Variants in CHRDL1 observed in about 807,000 individuals in gnomAD.
The protein encoded by CHRDL1 is chordin-like protein 1.
Under a neutral mutation model 40.9 loss-of-function variants are expected in CHRDL1, and 19 were observed. The observed-to-expected ratio is 0.46, with a 90% CI of 0.32 to 0.68. The LOEUF is 0.68. Ranked by LOEUF, CHRDL1 falls within the 30% of genes least tolerant of loss-of-function variation. The pLI is 0.03. For missense variants in CHRDL1, 329 were observed against 352.1 expected (o/e 0.93, Z 0.53); for synonymous variants, 136 against 123.4 (o/e 1.10, Z -0.68).
intron 6 of CHRDL1, among the ~76,000 whole-genome samples, chrX:110,718,123 T>C (rs913489184): frequency 1.8e-5 from 2 of 112,027 alleles, no homozygotes; most frequent in African/African-American, 6.5e-5. Context: ...ATCCTCACTT[T>C]AAAGATTGGT....
chrX:110,689,598 A>ATATATCTATATATCTATATATC (rs1569461814), intron 8 of CHRDL1, among the ~76,000 whole-genome samples: 1 of 18,294 alleles, frequency 5.5e-5, no homozygotes, highest in Non-Finnish European at 7.6e-5. Context: ...CTATATATCT[A>ATATATCTATATATCTATATATC]TATATATCTA....
intron 2 of CHRDL1, among the ~76,000 whole-genome samples, chrX:110,781,039 TCTG>T (rs973605717): frequency 9.0e-6 from 1 of 111,035 alleles, no homozygotes; most frequent in African/African-American, 3.3e-5. Flanking sequence ...AAATTAAACT[TCTG>T]CTCCACAACA....
chrX:110,764,426 A>G, intron 2 of CHRDL1, among the ~76,000 whole-genome samples: 1 of 112,076 alleles, frequency 8.9e-6, no homozygotes, highest in East Asian at 2.8e-4. Context: ...CAGTTCCCAA[A>G]CAATACTTTC....
At chrX:110,678,036 C>T (rs932376496) in intron 11 of CHRDL1, among the ~76,000 whole-genome samples, 2 of 111,165 alleles carry the variant, frequency 1.8e-5, no homozygotes, top group African/African-American at 6.6e-5. Context: ...TTCAGACTAT[C>T]CCACTTCTCT....
rs572661318 is a variant in CHRDL1, at chrX:110,788,100, C to G, written c.94+3988G>C. 2.2e-4 allele frequency among the ~76,000 whole-genome samples: 25 copies of G among 112,484 alleles called. No homozygotes were observed. The South Asian group carries it at 7.4e-3, about 33-fold the overall frequency. The stretch of plus-strand genomic sequence containing the variant: ...CAACAGAGCATAATGGAGTTATACA[C>G]AAGGACCTTTTCCCAGCTAAAGAAC... On this transcript the variant is annotated intron_variant, in intron 2 of 11. Transcript: ENST00000372042.
chrX:110,730,594 A>T (rs1207746415), intron 4 of CHRDL1, among the ~76,000 whole-genome samples: 1 of 110,506 alleles, frequency 9.0e-6, no homozygotes, highest in African/African-American at 3.3e-5. Context: ...TATTATTATT[A>T]TTTTTAGAGT....
chrX:110,711,276 T>C (rs2070742887), intron 6 of CHRDL1, among the ~76,000 whole-genome samples: 1 of 111,799 alleles, frequency 8.9e-6, no homozygotes, highest in African/African-American at 3.3e-5. Context: ...ACTCAAAAAT[T>C]ACTGAGTTAA....
intron 8 of CHRDL1, among the ~76,000 whole-genome samples, chrX:110,691,607 T>C (rs775106818): frequency 2.7e-5 from 3 of 111,440 alleles, no homozygotes; most frequent in Admixed American, 1.9e-4. Flanking sequence ...TTTCTAGGAA[T>C]TGGCTGATTT....
At chrX:110,677,024 T>C (rs372518045) in intron 11 of CHRDL1, among the ~76,000 whole-genome samples, 2 of 110,929 alleles carry the variant, frequency 1.8e-5, no homozygotes, top group Non-Finnish European at 3.8e-5. Context: ...AGCCCTTCCA[T>C]CCCCTGTTGT....
chrX:110,746,457 C>T (rs1287488495), intron 4 of CHRDL1, among the ~76,000 whole-genome samples: 1 of 111,790 alleles, frequency 8.9e-6, no homozygotes, highest in Non-Finnish European at 1.9e-5. Context: ...GCATTCTCAG[C>T]ACTACCTTAT....
At chrX:110,770,862 T>C (rs764060586) in intron 2 of CHRDL1, among the ~76,000 whole-genome samples, 9 of 112,090 alleles carry the variant, frequency 8.0e-5, no homozygotes, top group Non-Finnish European at 1.7e-4. Flanking sequence ...ATAATTAACC[T>C]GAGACTGGGC....
chrX:110,689,619 T>TATATCTATATATC (rs2070151818), intron 8 of CHRDL1, among the ~76,000 whole-genome samples: 1 of 40,309 alleles, frequency 2.5e-5, no homozygotes, highest in Non-Finnish European at 3.6e-5. Flanking sequence ...TATATCTATA[T>TATATCTATATATC]ATCTATATAT....
At chrX:110,776,955 A>G (rs977231131) in intron 2 of CHRDL1, among the ~76,000 whole-genome samples, 11 of 111,255 alleles carry the variant, frequency 9.9e-5, no homozygotes, top group African/African-American at 3.6e-4. Flanking sequence ...AGTATCAAAG[A>G]GAGCAATTTT....
At chrX:110,749,550 G>T (rs1350508124) in intron 4 of CHRDL1, among the ~76,000 whole-genome samples, 1 of 111,661 alleles carries the variant, frequency 9.0e-6, no homozygotes, top group East Asian at 2.8e-4. Context: ...GAGTATATGT[G>T]GCAAAGACAA....
intron 2 of CHRDL1, among the ~76,000 whole-genome samples, 188 bp from the exon 3 acceptor site, chrX:110,762,995 C>A (rs2089592466): frequency 9.0e-6 from 1 of 111,270 alleles, no homozygotes; most frequent in Non-Finnish European, 1.9e-5. Context: ...ACCACAATGA[C>A]CCATAAGGTA....
intron 6 of CHRDL1, among the ~76,000 whole-genome samples, chrX:110,711,462 G>T (rs1039622638): frequency 9.0e-6 from 1 of 111,379 alleles, no homozygotes; most frequent in Non-Finnish European, 1.9e-5. Context: ...ACAGGCATAA[G>T]GTTTCAGTTA....
At chrX:110,680,352 T>C (rs1603107059) in intron 10 of CHRDL1, among the ~76,000 whole-genome samples, 1 of 111,805 alleles carries the variant, frequency 8.9e-6, no homozygotes, top group South Asian at 3.8e-4. Context: ...CTCCAAGGCA[T>C]AGACCAAAAA....
chrX:110,704,947 G>A (rs1190748725), intron 6 of CHRDL1, among the ~76,000 whole-genome samples: 1 of 111,165 alleles, frequency 9.0e-6, no homozygotes, highest in Non-Finnish European at 1.9e-5. Context: ...GATTGGTATT[G>A]ACATAAAATG....
chrX:110,697,517 C>G (rs979246621), intron 7 of CHRDL1, among the ~76,000 whole-genome samples: 1 of 110,489 alleles, frequency 9.1e-6, no homozygotes, highest in Non-Finnish European at 1.9e-5. Context: ...TCCATACAGC[C>G]ATTAAAACAT....
Sources: allele counts gnomAD v4.1 joint callset (sites outside exome capture counted in the v4.1 genomes callset), GRCh38; gene constraint gnomAD v4.1.1; transcripts MANE v1.5; gene names NCBI Gene and HGNC (gene_info 2026-07-23, HGNC 2026-07-21).